Variants in CFAP299 observed in about 807,000 individuals in gnomAD.
The protein encoded by CFAP299 is cilia and flagella associated protein 299.
CFAP299 carries 21 observed loss-of-function variants against 27.0 expected under a neutral mutation model. That is an observed-to-expected ratio of 0.78 (90% CI 0.55 to 1.12). CFAP299 has a LOEUF of 1.12. Ranked by LOEUF, CFAP299 falls within the 50% of genes most tolerant of loss-of-function variation. The pLI is 0.00. For missense variants in CFAP299, 310 were observed against 276.6 expected, an observed-to-expected ratio of 1.12 and a Z score of -0.86; for synonymous variants, 104 against 98.1, an observed-to-expected ratio of 1.06 and a Z score of -0.36.
intron 3 of CFAP299, among the ~76,000 whole-genome samples, chr4:80,699,396 G>C (rs980612520): frequency 2.0e-5 from 3 of 151,968 alleles, no homozygotes; most frequent in South Asian, 2.1e-4. Context: ...CATAACTCCC[G>C]ATCAGCTGTC....
intron 4 of CFAP299, chr4:80,871,546 C>T (rs1244925348): frequency 4.1e-6 from 4 of 985,326 alleles, no homozygotes; most frequent in Non-Finnish European, 4.8e-6. Flanking sequence ...GCTATTGCTT[C>T]TGTGTCACCT....
intron 4 of CFAP299, among the ~76,000 whole-genome samples, chr4:80,928,568 G>T (rs1736418845): frequency 6.6e-6 from 1 of 152,108 alleles, no homozygotes; most frequent in African/African-American, 2.4e-5. Context: ...AGTGAGGGAT[G>T]AGGTTGCAAT....
chr4:80,717,233 C>T (rs1450213636), intron 3 of CFAP299, among the ~76,000 whole-genome samples: 1 of 152,038 alleles, frequency 6.6e-6, no homozygotes, highest in East Asian at 1.9e-4. Context: ...CATAGGACCA[C>T]TTAGAGGAGT....
chr4:80,692,349 A>G (rs1444540641), intron 3 of CFAP299, among the ~76,000 whole-genome samples: 1 of 152,160 alleles, frequency 6.6e-6, no homozygotes, highest in Non-Finnish European at 1.5e-5. Flanking sequence ...AAACAGAGAT[A>G]TAGATCAATG....
At chr4:80,413,945 G>C (rs1726862930) in intron 2 of CFAP299, among the ~76,000 whole-genome samples, 1 of 151,948 alleles carries the variant, frequency 6.6e-6, no homozygotes, top group Non-Finnish European at 1.5e-5. Context: ...CTGGTTAAGA[G>C]GGCAGAATCA....
At chr4:80,601,018 A>T (rs949406335) in intron 3 of CFAP299, among the ~76,000 whole-genome samples, 2 of 152,134 alleles carry the variant, frequency 1.3e-5, no homozygotes, top group African/African-American at 4.8e-5. Flanking sequence ...TTGAATGCTT[A>T]ACAAATATTA....
intron 3 of CFAP299, among the ~76,000 whole-genome samples, chr4:80,754,196 T>C (rs1193266291): frequency 6.6e-6 from 1 of 152,150 alleles, no homozygotes; most frequent in East Asian, 1.9e-4. Context: ...TTATTATTAG[T>C]GCGCCATGGG....
chr4:80,494,683 G>A (rs1731345964), intron 2 of CFAP299, among the ~76,000 whole-genome samples: 1 of 151,920 alleles, frequency 6.6e-6, no homozygotes, highest in South Asian at 2.1e-4. Context: ...TATAGGTATG[G>A]CTCCTCATCC....
intron 2 of CFAP299, chr4:80,386,882 G>C (rs1361450182): frequency 8.3e-6 from 7 of 843,680 alleles, no homozygotes; most frequent in Non-Finnish European, 1.2e-5. Flanking sequence ...ATGCGGACTC[G>C]CACACCGAGC....
chr4:80,769,075 T>G (rs1393007085), intron 3 of CFAP299, among the ~76,000 whole-genome samples: 1 of 152,162 alleles, frequency 6.6e-6, no homozygotes, highest in Non-Finnish European at 1.5e-5. Context: ...TTAAATGTAC[T>G]TAGGTTAAAT....
chr4:80,875,604 C>T (rs927763576), intron 4 of CFAP299, among the ~76,000 whole-genome samples: 6 of 147,248 alleles, frequency 4.1e-5, no homozygotes, highest in East Asian at 2.0e-4. Flanking sequence ...GCGGAGGTTG[C>T]GGTGAGCCAA....
intron 3 of CFAP299, among the ~76,000 whole-genome samples, chr4:80,604,704 G>A (rs1392994370): frequency 6.6e-6 from 1 of 152,114 alleles, no homozygotes; most frequent in South Asian, 2.1e-4. Context: ...ACAATGAACT[G>A]GATAGAACTG....
chr4:80,754,805 C>T (rs1056478716), intron 3 of CFAP299, among the ~76,000 whole-genome samples: 3 of 152,092 alleles, frequency 2.0e-5, no homozygotes, highest in African/African-American at 7.2e-5. Flanking sequence ...TATGCATGCA[C>T]TTGCACTCTG....
intron 3 of CFAP299, among the ~76,000 whole-genome samples, chr4:80,676,100 A>T (rs531489449): frequency 6.6e-6 from 1 of 152,324 alleles, no homozygotes; most frequent in African/African-American, 2.4e-5. Context: ...GGAAATGCAG[A>T]AATCACTGTC....
At chr4:80,352,602 TA>T (rs1289710775) in intron 1 of CFAP299, among the ~76,000 whole-genome samples, 2 of 152,022 alleles carry the variant, frequency 1.3e-5, no homozygotes, top group Admixed American at 1.3e-4. Flanking sequence ...GTTCACACAA[TA>T]ATAGAATACC....
chr4:80,424,707 G>T lies in CFAP299; in HGVS notation c.242+61823G>T, dbSNP rs554358619. Among the ~76,000 whole-genome samples the T allele has an allele frequency of 5.6e-4, 86 of 152,272 alleles. 1 individual carries two copies. In the South Asian group the frequency reaches 0.017, roughly 30 times the overall value. The stretch of plus-strand genomic sequence containing the variant: ...AAAGAACATGAAGACACAGTTTCTG[G>T]ACCTACTGAGGAAGAGATGATCATT... On this transcript the variant is annotated intron_variant, in intron 2 of 5. Coordinates refer to ENST00000358105, the MANE Select transcript of CFAP299 (RefSeq NM_152770.3).
chr4:80,398,037 C>T (rs1363366473), intron 2 of CFAP299, among the ~76,000 whole-genome samples: 1 of 152,110 alleles, frequency 6.6e-6, no homozygotes, highest in Non-Finnish European at 1.5e-5. Context: ...TTCTTATACA[C>T]CAATAACAGA....
chr4:80,526,024 T>G (rs1444254288), intron 2 of CFAP299, among the ~76,000 whole-genome samples: 1 of 152,194 alleles, frequency 6.6e-6, no homozygotes, highest in African/African-American at 2.4e-5. Flanking sequence ...ATTGTACTCA[T>G]ATAAGAGACA....
At chr4:80,799,723 T>A (rs375494584) in intron 3 of CFAP299, among the ~76,000 whole-genome samples, 339 of 15,606 alleles carry the variant, frequency 0.022, 24 homozygotes, top group East Asian at 0.17. Context: ...TATATTATAT[T>A]TTATAAATAT....
Sources: gnomAD v4.1 joint callset for allele counts (sites outside exome capture counted in the v4.1 genomes callset) on GRCh38, gnomAD v4.1.1 for gene constraint, MANE v1.5 for transcripts, NCBI Gene and HGNC (gene_info 2026-07-23, HGNC 2026-07-21) for gene names.